STAB1: variants seen among roughly 807,000 people sequenced by gnomAD.
STAB1 encodes stabilin-1.
STAB1 carries 250 observed loss-of-function variants against 332.4 expected under a neutral mutation model. The ratio of observed to expected loss-of-function variants is 0.75; its 90% CI spans 0.68 to 0.84. The LOEUF (loss-of-function observed/expected upper bound fraction) is 0.84. Among genes scored for constraint, STAB1 ranks in the 40% least tolerant of loss-of-function variants. The pLI, the probability that STAB1 is intolerant of heterozygous loss-of-function variation, is 0.00. For missense variants in STAB1, 3,249 were observed against 3,489.7 expected (o/e 0.93, Z 1.74); for synonymous variants, 1,475 against 1,390.4 (o/e 1.06, Z -1.35).
chr3:52,496,957 A>T (rs1382316921), intron 1 of STAB1, among the ~76,000 whole-genome samples: 1 of 152,206 alleles, frequency 6.6e-6, no homozygotes, highest in African/African-American at 2.4e-5. Flanking sequence ...CCAACCCTGG[A>T]TTGAAAATAT....
In STAB1 at chr3:52,523,503, T is replaced by C; in HGVS notation, c.7217T>C (p.Leu2406Ser). The change falls in exon 65 of 69, where the codon TTG (leucine) becomes TCG (serine). Residue 2406 changes from leucine (L) to serine (S), a missense_variant. Leu to Ser is a moderately radical substitution (Grantham distance 145, BLOSUM62 -2). Coordinates refer to ENST00000321725, the MANE Select transcript of STAB1 (RefSeq NM_015136.3). ...LLSANASQGK[L>S]LPAHSGLSLI... ...AGTGCCAACGCCAGCCAGGGGAAGT[T>C]GCTTCCGGCCCACTCAGGCCTCAGC... is the stretch of plus-strand genomic sequence containing the variant. 1.2e-6 allele frequency: 2 copies of C among 1,612,614 alleles called. No individual in the cohort carries two copies. The highest frequency in any genetic ancestry group is 2.2e-5 in the South Asian group (2 of 91,084).
chr3:52,502,999 A>G lies in STAB1; in HGVS notation c.584A>G (p.Glu195Gly), dbSNP rs922859483. The G allele has an allele frequency of 2.5e-6, 4 of 1,574,888 alleles. No homozygotes were observed. In the African/African-American group the frequency reaches 4.0e-5, roughly 16 times the overall value. ...AGYTGPHCDQELPVCQELRCP... is the reference protein window; with the variant it reads ...AGYTGPHCDQGLPVCQELRCP... ...TCAGTGCTCTCTCCACTCTGCGCAG[A>G]GCTGCCCGTCTGCCAGGAGCTGCGC... Residue 195 changes from glutamate (E) to glycine (G), a missense_variant and splice_region_variant, in exon 7 of 69, where the codon GAG (glutamate) becomes GGG (glycine). Transcript: ENST00000321725.
intron 19 of STAB1, 102 bp from the exon 20 acceptor site, chr3:52,507,829 G>T: frequency 1.4e-6 from 2 of 1,458,600 alleles, no homozygotes; most frequent in Non-Finnish European, 1.9e-6. Flanking sequence ...CAGGGTTAGA[G>T]TTCTGGACCC....
Position 52,501,268 on chromosome 3 carries a change from C to A in STAB1, c.181C>A (p.Arg61=). The change falls in exon 2 of 69, where the codon CGG becomes AGG. Residue 61 remains arginine (R), a synonymous_variant. Transcript: ENST00000321725. ...GCAGACGTGTCCCTCAGGCTGGCTG[C>A]GGGAGCTCCCGGATCAGATAACCCA... is the stretch of plus-strand genomic sequence containing the variant. ...KKQTCPSGWL[R]ELPDQITQDC... is the part of the protein sequence containing the mutation. 1 of 1,613,528 alleles carries A rather than the reference C, an allele frequency of 6.2e-7. No homozygotes were observed. The highest frequency in any genetic ancestry group is 8.5e-7 in the Non-Finnish European group (1 of 1,180,008).
intron 61 of STAB1, 22 bp from the exon 62 acceptor site, chr3:52,522,753 G>C (rs760523780): frequency 2.5e-6 from 4 of 1,612,672 alleles, no homozygotes; most frequent in Non-Finnish European, 3.4e-6. Context: ...TTGGGTCTTA[G>C]TATCCCCTCC....
chr3:52,501,346 T>C, intron 2 of STAB1, 44 bp downstream of exon 2: 1 of 1,596,134 alleles, frequency 6.3e-7, no homozygotes, highest in Non-Finnish European at 8.6e-7. Flanking sequence ...GAGCATCCTG[T>C]GGGGTGGCAG....
intron 46 of STAB1, 40 bp from the exon 47 acceptor site, chr3:52,518,496 G>T (rs2078952118): frequency 4.5e-6 from 7 of 1,564,868 alleles, no homozygotes; most frequent in African/African-American, 1.3e-5. Flanking sequence ...GACGCCTCAG[G>T]CTTCTCCCAT....
Position 52,520,504 on chromosome 3 carries a change from C to G in STAB1, c.5604C>G (p.Gly1868=). The G allele has an allele frequency of 6.2e-7, 1 of 1,612,520 alleles. No homozygotes were observed. The highest frequency in any genetic ancestry group is 8.5e-7 in the Non-Finnish European group (1 of 1,179,884). ...YGIDQLLEPP[G]LGARCDHFET... is the part of the protein sequence containing the mutation. ...TCGACCAGCTGCTGGAGCCACCTGG[C>G]CTTGGTGCTCGCTGTGACCACTTTG... Residue 1868 remains glycine (G), a synonymous_variant, in exon 53 of 69, where the codon GGC becomes GGG. Coordinates refer to ENST00000321725, the MANE Select transcript of STAB1 (RefSeq NM_015136.3).
chr3:52,500,999 G>A (rs549414754), intron 1 of STAB1, among the ~76,000 whole-genome samples, 167 bp from the exon 2 acceptor site: 9 of 152,366 alleles, frequency 5.9e-5, no homozygotes, highest in Admixed American at 2.0e-4. Flanking sequence ...GGCATTCTGT[G>A]GACCCCCAAA....
At chr3:52,516,795 C>A (rs1343298487) in intron 41 of STAB1, 27 bp downstream of exon 41, 3 of 1,599,702 alleles carry the variant, frequency 1.9e-6, no homozygotes, top group African/African-American at 2.7e-5. Flanking sequence ...GCCCAGGGCC[C>A]TCCCTGAAAT....
intron 36 of STAB1, 47 bp from the exon 37 acceptor site, chr3:52,515,376 C>G (rs747604270): frequency 1.3e-6 from 2 of 1,589,118 alleles, no homozygotes; most frequent in Non-Finnish European, 1.7e-6. Flanking sequence ...CTGCCCTGCC[C>G]CTGCCCAAGC....
intron 1 of STAB1, among the ~76,000 whole-genome samples, chr3:52,496,451 C>T (rs1490137045): frequency 2.0e-5 from 3 of 152,228 alleles, no homozygotes; most frequent in Non-Finnish European, 2.9e-5. Context: ...GCAGTCCAGC[C>T]AGGGGCCTAG....
chr3:52,496,111 G>T (rs1337808556), intron 1 of STAB1, among the ~76,000 whole-genome samples: 1 of 152,184 alleles, frequency 6.6e-6, no homozygotes, highest in Non-Finnish European at 1.5e-5. Context: ...GGATGATGGG[G>T]ACAGGCCATT....
chr3:52,519,007 CG>C, intron 48 of STAB1, 138 bp downstream of exon 48: 1 of 1,153,574 alleles, frequency 8.7e-7, no homozygotes, highest in Non-Finnish European at 1.2e-6. Context: ...GAGTCCAGCC[CG>C]GGACTCCGCC....
Position 52,501,211 on chromosome 3 carries a change from G to A in STAB1, c.124G>A (p.Val42Ile). The change falls in exon 2 of 69, where the codon GTA becomes ATA. Residue 42 changes from valine to isoleucine, a missense_variant. Coordinates refer to ENST00000321725, the MANE Select transcript of STAB1 (RefSeq NM_015136.3). ...CDVKTTFVTH[V>I]PCTSCAAIKK... ...TGTGAAAACCACGTTTGTCACTCAT[G>A]TACCCTGCACCTCGTGCGCGGCCAT... 19 of 1,613,752 alleles carry A rather than the reference G, an allele frequency of 1.2e-5. No individual in the cohort carries two copies. Among genetic ancestry groups the A allele is most frequent in the Non-Finnish European group, 1.5e-5 (18 of 1,180,008 alleles).
At chr3:52,503,241 G>A (rs549121548) in intron 7 of STAB1, 103 bp from the exon 8 acceptor site, 1 of 1,507,270 alleles carries the variant, frequency 6.6e-7, no homozygotes, top group East Asian at 2.5e-5. Flanking sequence ...CTATCCTCAA[G>A]GCCTAGGTCA....
In STAB1 at chr3:52,495,420, G is replaced by A; in HGVS notation, c.7G>A (p.Gly3Arg). The A allele has an allele frequency of 2.2e-6, 3 of 1,339,844 alleles. No homozygotes were observed. Among genetic ancestry groups the A allele is most frequent in the Non-Finnish European group, 9.6e-7 (1 of 1,038,556 alleles). 83.0% of individuals were successfully genotyped at this position (1,339,844 alleles called of 1,614,324 possible). Residue 3 changes from glycine (G) to arginine (R), a missense_variant, in exon 1 of 69, where the codon GGG becomes AGG. Coordinates refer to ENST00000321725, the MANE Select transcript of STAB1 (RefSeq NM_015136.3). MA[G>R]PRGLLPLCLL... is the part of the protein sequence containing the mutation. ...GACAGCGTGCCCACCAGCCATGGCG[G>A]GGCCCCGGGGCCTCCTCCCACTCTG...
chr3:52,517,236 G>T, intron 42 of STAB1, 84 bp from the exon 43 acceptor site: 2 of 1,498,460 alleles, frequency 1.3e-6, no homozygotes, highest in South Asian at 1.4e-5. Flanking sequence ...GAGAGAGGAG[G>T]GGGTGGGACA....
At position 52,509,901 on chromosome 3, in the gene STAB1, C is replaced by T. The variant is rs956479508; in HGVS notation, c.2379C>T (p.Asn793=). Residue 793 remains asparagine (N), a synonymous_variant, in exon 23 of 69, where the codon AAC becomes AAT. Coordinates refer to ENST00000321725, the MANE Select transcript of STAB1 (RefSeq NM_015136.3). The stretch of plus-strand genomic sequence containing the variant: ...GCTGTGTCCATGGTCTCTGCGACAA[C>T]CGCCCAGGCAGTGGGGGGGTGTGCC... ...DCGCVHGLCD[N]RPGSGGVCQQ... is the part of the protein sequence containing the mutation. 1.2e-6 allele frequency: 2 copies of T among 1,613,086 alleles called. No homozygotes were observed. Among genetic ancestry groups the T allele is most frequent in the African/African-American group, 1.3e-5 (1 of 75,074 alleles).
Sources: allele counts gnomAD v4.1 joint callset (sites outside exome capture counted in the v4.1 genomes callset), GRCh38; gene constraint gnomAD v4.1.1; transcripts MANE v1.5; gene names NCBI Gene and HGNC (gene_info 2026-07-23, HGNC 2026-07-21).